Variants in CCDC93 observed in about 807,000 individuals in gnomAD.
The protein encoded by CCDC93 is CCC complex scaffolding subunit CCDC93.
In CCDC93, 61 loss-of-function variants were observed where a neutral mutation model predicts 108.2. The ratio of observed to expected loss-of-function variants is 0.56; its 90% CI spans 0.46 to 0.70. The LOEUF (loss-of-function observed/expected upper bound fraction) is 0.70. CCDC93 is among the 30% of genes least tolerant of loss of function. CCDC93 has a pLI of 0.00. For missense variants in CCDC93, 685 were observed against 764.2 expected (o/e 0.90, Z 1.22); for synonymous variants, 276 against 260.4 (o/e 1.06, Z -0.58).
chr2:117,945,481 C>T (rs779285211), intron 17 of CCDC93, 48 bp downstream of exon 17: 13 of 1,528,992 alleles, frequency 8.5e-6, no homozygotes, highest in Admixed American at 8.4e-5. Flanking sequence ...GAAAGCTGGC[C>T]GCCTGCCCTC....
chr2:117,995,554 CA>C, intron 5 of CCDC93, 52 bp from the exon 6 acceptor site: 1 of 1,298,582 alleles, frequency 7.7e-7, no homozygotes, highest in South Asian at 1.2e-5. Flanking sequence ...AATTAAAACT[CA>C]AGTGGACCAC....
chr2:117,951,166 CAA>C (rs1247516078), intron 13 of CCDC93: 2 of 985,166 alleles, frequency 2.0e-6, no homozygotes, highest in African/African-American at 3.5e-5. Context: ...GATTATTATA[CAA>C]AGACAGATCC....
chr2:117,975,494 T>A (rs1285030913), intron 8 of CCDC93, among the ~76,000 whole-genome samples: 2 of 152,222 alleles, frequency 1.3e-5, no homozygotes, highest in Non-Finnish European at 2.9e-5. Flanking sequence ...TGTTTCCATG[T>A]CCCAGCTGCT....
chr2:117,985,289 T>C lies in CCDC93; in HGVS notation c.620+680A>G, dbSNP rs1012322566. The C allele has an allele frequency of 1.8e-5, 3 of 162,794 alleles. No homozygotes were observed. In the Admixed American group the frequency reaches 2.0e-4, roughly 11 times the overall value. 10.1% of individuals were successfully genotyped at this position (162,794 alleles called of 1,614,324 possible). A position where few individuals can be genotyped will look rare whatever the true frequency, so the allele number is the denominator to read the frequency against. On this transcript the variant is annotated intron_variant, in intron 7 of 23. Coordinates refer to ENST00000376300, the MANE Select transcript of CCDC93 (RefSeq NM_019044.5). ...TCACTTAGGGAAACGCCAGTGGCAATGCAGTTAGTTCCAGCCACCCTACAA... is the reference window on the plus strand; with the variant it reads ...TCACTTAGGGAAACGCCAGTGGCAACGCAGTTAGTTCCAGCCACCCTACAA...
chr2:118,005,158 G>C lies in CCDC93; in HGVS notation c.251+1564C>G, dbSNP rs11684275. 3.3e-5 allele frequency among the ~76,000 whole-genome samples: 5 copies of C among 152,000 alleles called. No homozygotes were observed. The South Asian group carries it at 6.2e-4, about 19-fold the overall frequency. On this transcript the variant is annotated intron_variant, in intron 3 of 23. Coordinates refer to ENST00000376300, the MANE Select transcript of CCDC93 (RefSeq NM_019044.5). ...ATAGACAAGGAATTGAGAAGACATA[G>C]AAAAATACTGTGTTCCCATATCTAT...
intron 3 of CCDC93, among the ~76,000 whole-genome samples, chr2:118,006,000 G>C (rs921767004): frequency 2.6e-5 from 4 of 152,160 alleles, no homozygotes; most frequent in African/African-American, 4.8e-5. Context: ...CACTGTGGCA[G>C]TCTTACCCCA....
intron 18 of CCDC93, among the ~76,000 whole-genome samples, chr2:117,943,043 GCC>G (rs1558774875): frequency 6.6e-6 from 1 of 152,130 alleles, no homozygotes; most frequent in African/African-American, 2.4e-5. Flanking sequence ...ATCAGCTACA[GCC>G]CTGCAATCTG....
intron 7 of CCDC93, among the ~76,000 whole-genome samples, chr2:117,984,304 C>G (rs1680248018): frequency 6.6e-6 from 1 of 152,160 alleles, no homozygotes; most frequent in Non-Finnish European, 1.5e-5. Context: ...CAACAGGAAC[C>G]AGGATTGGTA....
At chr2:117,936,663 G>A (rs768073663) in intron 21 of CCDC93, 39 bp downstream of exon 21, 66 of 1,561,648 alleles carry the variant, frequency 4.2e-5, no homozygotes, top group East Asian at 2.9e-4. Flanking sequence ...AGCGCAGGCC[G>A]GCAGGGTATT....
intron 11 of CCDC93, among the ~76,000 whole-genome samples, chr2:117,965,156 C>T (rs1294912886): frequency 2.6e-5 from 4 of 152,164 alleles, no homozygotes; most frequent in South Asian, 2.1e-4. Context: ...TTTAGACCCC[C>T]AAACCCTCCT....
rs928592628 is a variant in CCDC93 at position 117,919,087 on chromosome 2, C to G, written c.*1256G>C. 2 of 152,216 alleles carry G rather than the reference C, an allele frequency of 1.3e-5. No individual in the cohort carries two copies. The highest frequency in any genetic ancestry group is 2.9e-5 in the Non-Finnish European group (2 of 68,052). The allele number at this position is 152,216 out of a possible 1,614,324, so 9.4% of individuals were successfully genotyped here. Reference sequence around the variant, plus strand: ...TGGAGCACAAACCTACAGAACATGACTGAGTTACCAGACTCCTGAGGACCA... The same window carrying G: ...TGGAGCACAAACCTACAGAACATGAGTGAGTTACCAGACTCCTGAGGACCA... On this transcript the variant is annotated 3_prime_UTR_variant, in exon 24 of 24. Transcript: ENST00000376300.
At chr2:117,998,421 G>C (rs1310250986) in intron 4 of CCDC93, 2 of 152,050 alleles carry the variant, frequency 1.3e-5, no homozygotes, top group South Asian at 2.1e-4. Context: ...TTTTTTTTGA[G>C]TTTGAGAATT....
At position 118,008,630 on chromosome 2, in the gene CCDC93, T is replaced by G; in HGVS notation, c.71A>C (p.Asn24Thr). 6.2e-7 allele frequency: 1 copy of G among 1,613,082 alleles called. No homozygotes were observed. Among genetic ancestry groups the G allele is most frequent in the Non-Finnish European group, 8.5e-7 (1 of 1,179,300 alleles). Residue 24 changes from asparagine (N) to threonine (T), a missense_variant, in exon 2 of 24, where the codon AAT becomes ACT. Coordinates refer to ENST00000376300, the MANE Select transcript of CCDC93 (RefSeq NM_019044.5). Reference sequence around the variant, plus strand: ...CTCCAGAATTTCAGTCAACTTGACATTTTGTTCTTCATCTTCTCTTGTTTC... The same window carrying G: ...CTCCAGAATTTCAGTCAACTTGACAGTTTGTTCTTCATCTTCTCTTGTTTC... Reference protein sequence around the residue: ...EVETREDEEQNVKLTEILELL... With the variant: ...EVETREDEEQTVKLTEILELL...
At chr2:117,985,181 C>T (rs772214487) in intron 7 of CCDC93, among the ~76,000 whole-genome samples, 5 of 151,884 alleles carry the variant, frequency 3.3e-5, no homozygotes, top group Non-Finnish European at 7.4e-5. Context: ...GCATGCAATT[C>T]CATTTGGAAA....
chr2:117,950,486 G>A (rs1679017222), intron 13 of CCDC93: 1 of 985,278 alleles, frequency 1.0e-6, no homozygotes, highest in South Asian at 4.7e-5. Context: ...CACCACTGCT[G>A]TCTGCAACCC....
intron 14 of CCDC93, 111 bp from the exon 15 acceptor site, chr2:117,948,297 T>G: frequency 1.4e-6 from 1 of 720,874 alleles, no homozygotes; most frequent in African/African-American, 1.8e-5. Flanking sequence ...ATTTCCTTTC[T>G]CAGCTCTAAG....
rs543591684 is a variant in CCDC93 at position 117,954,948 on chromosome 2, C to T, written c.1006-2513G>A. Among the ~76,000 whole-genome samples, 14 of 152,246 alleles carry T rather than the reference C, an allele frequency of 9.2e-5. 1 individual carries two copies. The South Asian group carries it at 2.1e-3, about 23-fold the overall frequency. ...AGAAGGACATGTTTGCTTCCCCTTCCGCCATGATTCTAAATTTACCCTGAG... is the reference window on the plus strand; with the variant it reads ...AGAAGGACATGTTTGCTTCCCCTTCTGCCATGATTCTAAATTTACCCTGAG... On this transcript the variant is annotated intron_variant, in intron 12 of 23. Coordinates refer to ENST00000376300, the MANE Select transcript of CCDC93 (RefSeq NM_019044.5).
At chr2:117,952,279 C>T in intron 13 of CCDC93, 94 bp downstream of exon 13, 1 of 874,708 alleles carries the variant, frequency 1.1e-6, no homozygotes, top group South Asian at 1.3e-5. Flanking sequence ...GTCTCCCACA[C>T]ACAGACCGAT....
In CCDC93 at chr2:117,916,001, C is replaced by A. The variant is rs1677671676; in HGVS notation, c.*4342G>T. 6.6e-6 allele frequency: 1 copy of A among 152,252 alleles called. No homozygotes were observed. The highest frequency in any genetic ancestry group is 1.5e-5 in the Non-Finnish European group (1 of 68,046). 9.4% of individuals were successfully genotyped at this position (152,252 alleles called of 1,614,324 possible). A position where few individuals can be genotyped will look rare whatever the true frequency, so the allele number is the denominator to read the frequency against. The stretch of plus-strand genomic sequence containing the variant: ...GGCACTCTCCAACTTTTTGCTATTA[C>A]AATGTTTCAACAAAAACTCTTGTAC... On this transcript the variant is annotated 3_prime_UTR_variant, in exon 24 of 24. Transcript: ENST00000376300.
Sources: gnomAD v4.1 joint callset for allele counts (sites outside exome capture counted in the v4.1 genomes callset) on GRCh38, gnomAD v4.1.1 for gene constraint, MANE v1.5 for transcripts, NCBI Gene and HGNC (gene_info 2026-07-23, HGNC 2026-07-21) for gene names.